CD6: variants seen among roughly 807,000 people sequenced by gnomAD.
CD6 encodes CD6 molecule.
In CD6, 53 loss-of-function variants were observed where a neutral mutation model predicts 75.3. That is an observed-to-expected ratio of 0.70 (90% CI 0.56 to 0.88). CD6 has a LOEUF of 0.88. Ranked by LOEUF, CD6 falls within the 40% of genes least tolerant of loss-of-function variation. CD6 has a pLI of 0.00. For missense variants in CD6, 770 were observed against 897.1 expected, an observed-to-expected ratio of 0.86 and a Z score of 1.81; for synonymous variants, 359 against 381.5, an observed-to-expected ratio of 0.94 and a Z score of 0.69.
chr11:61,019,112 T>C, intron 12 of CD6, 142 bp from the exon 13 acceptor site: 1 of 625,070 alleles, frequency 1.6e-6, no homozygotes, highest in Non-Finnish European at 2.9e-6. Flanking sequence ...GTCAGGGACA[T>C]GGCCGGAAGC....
chr11:60,996,775 G>A (rs548945866), intron 1 of CD6, among the ~76,000 whole-genome samples: 2 of 152,328 alleles, frequency 1.3e-5, no homozygotes, highest in Non-Finnish European at 2.9e-5. Flanking sequence ...AGATCACTGC[G>A]CTGCACTGGG....
At chr11:60,984,451 C>T (rs3019544) in intron 1 of CD6, among the ~76,000 whole-genome samples, 128,930 of 152,116 alleles carry the variant, frequency 0.85, 54,881 homozygotes, top group East Asian at 0.97. Flanking sequence ...TATTGGAGTC[C>T]GGGTCAGCAC....
chr11:60,993,645 G>A (rs80159460), intron 1 of CD6, among the ~76,000 whole-genome samples: 6,224 of 152,218 alleles, frequency 0.041, 170 homozygotes, highest in Middle Eastern at 0.099. Context: ...GCAGAGATGG[G>A]TTTAGATCAC....
At chr11:61,009,977 C>T in intron 5 of CD6, 103 bp downstream of exon 5, 1 of 1,150,240 alleles carries the variant, frequency 8.7e-7, no homozygotes, top group Admixed American at 2.6e-5. Context: ...ACCAGATCGG[C>T]AATGGCACAT....
chr11:60,985,185 T>C (rs949113809), intron 1 of CD6: 1 of 136,718 alleles, frequency 7.3e-6, no homozygotes, highest in East Asian at 2.1e-4. Flanking sequence ...TTTTTTTTTT[T>C]TTTTTTTTTT....
intron 1 of CD6, among the ~76,000 whole-genome samples, chr11:60,978,616 TC>T (rs771734117): frequency 1.1e-4 from 17 of 152,202 alleles, no homozygotes; most frequent in Non-Finnish European, 1.9e-4. Context: ...TTATGTATGT[TC>T]CTTGAGGCTT....
intron 1 of CD6, among the ~76,000 whole-genome samples, chr11:60,991,129 CTTTTCTTTTCTTTT>C (rs1411830659): frequency 1.4e-5 from 2 of 138,906 alleles, no homozygotes; most frequent in African/African-American, 5.2e-5. Flanking sequence ...TTCTTTCTTT[CTTTTCTTTTCTTTT>C]TCTTTCTTTT....
intron 1 of CD6, among the ~76,000 whole-genome samples, chr11:60,983,593 T>C (rs192060722): frequency 3.3e-5 from 5 of 152,128 alleles, no homozygotes; most frequent in Admixed American, 2.6e-4. Flanking sequence ...GGTTGTAATG[T>C]CCCTTTCTCC....
At chr11:60,990,262 T>C (rs1487457686) in intron 1 of CD6, among the ~76,000 whole-genome samples, 1 of 152,210 alleles carries the variant, frequency 6.6e-6, no homozygotes, top group African/African-American at 2.4e-5. Context: ...TCTCGCACTG[T>C]CACCCAGGCT....
intron 1 of CD6, among the ~76,000 whole-genome samples, chr11:60,989,564 C>T (rs1234339415): frequency 1.3e-5 from 2 of 152,242 alleles, no homozygotes; most frequent in Admixed American, 1.3e-4. Flanking sequence ...GGCCTCCAGG[C>T]TGGACCACGG....
intron 12 of CD6, chr11:61,018,686 C>T (rs77203539): frequency 2.0e-5 from 6 of 306,786 alleles, no homozygotes; most frequent in Non-Finnish European, 3.7e-5. Flanking sequence ...CCAAGGGTAG[C>T]ACGTGCCTAT....
intron 1 of CD6, among the ~76,000 whole-genome samples, chr11:60,981,984 T>C (rs1183232943): frequency 7.0e-6 from 1 of 143,726 alleles, no homozygotes. Flanking sequence ...GTCCGGCCAA[T>C]AAGTGTCCAG....
In CD6 at chr11:60,971,711, C is replaced by T. The variant is rs986561922; in HGVS notation, c.-155C>T. ...AGGTTGGGTTTGATCGCATGCGTGTCGGAGAGGAGAGAGCAGAGAGAGACA... is the reference window on the plus strand; with the variant it reads ...AGGTTGGGTTTGATCGCATGCGTGTTGGAGAGGAGAGAGCAGAGAGAGACA... On this transcript the variant is annotated 5_prime_UTR_variant, in exon 1 of 13. Transcript: ENST00000313421. 9 of 687,524 alleles carry T rather than the reference C, an allele frequency of 1.3e-5. No individual in the cohort carries two copies. The highest frequency in any genetic ancestry group is 3.6e-5 in the African/African-American group (2 of 56,070). The allele number at this position is 687,524 out of a possible 1,614,324, so 42.6% of individuals were successfully genotyped here.
rs567700137 is a variant in CD6, at chr11:61,013,926, C to T, written c.1299C>T (p.Pro433=). The stretch of plus-strand genomic sequence containing the variant: ...CTGCCTCCCCTCCCTCAGCCCTCCC[C>T]GTAATGGTGAACCACCAGCACCTAC... ...LLRIKGKYAL[P]VMVNHQHLPT... is the part of the protein sequence containing the mutation. The change falls in exon 8 of 13, where the codon CCC becomes CCT. Residue 433 remains proline (P), a synonymous_variant. Transcript: ENST00000313421. 78 of 1,610,666 alleles carry T rather than the reference C, an allele frequency of 4.8e-5. No homozygotes were observed. Among genetic ancestry groups the T allele is most frequent in the East Asian group, 1.8e-4 (8 of 44,700 alleles).
chr11:61,015,862 G>A (rs202208500), intron 9 of CD6, 27 bp downstream of exon 9: 8 of 1,612,554 alleles, frequency 5.0e-6, no homozygotes, highest in Non-Finnish European at 6.8e-6. Flanking sequence ...GCTCCCGAGG[G>A]CCCACCTACC....
intron 6 of CD6, among the ~76,000 whole-genome samples, chr11:61,012,087 C>G: frequency 6.6e-6 from 1 of 152,216 alleles, no homozygotes. Flanking sequence ...GTCATCTTCT[C>G]TCAGACACCC....
intron 1 of CD6, among the ~76,000 whole-genome samples, chr11:60,992,555 C>T (rs1858107102): frequency 6.6e-6 from 1 of 152,114 alleles, no homozygotes; most frequent in South Asian, 2.1e-4. Context: ...GGGCCGGGCG[C>T]TGTGGCTCAC....
chr11:61,020,267 C>T lies in CD6; in HGVS notation c.*949C>T, dbSNP rs1015482164. On this transcript the variant is annotated 3_prime_UTR_variant, in exon 13 of 13. Transcript: ENST00000313421. The stretch of plus-strand genomic sequence containing the variant: ...ATGCGTGACTATGTGGTGTTGCACC[C>T]GGGGCTGCAAACGTCTCCGTGCAGC... 6 of 398,822 alleles carry T rather than the reference C, an allele frequency of 1.5e-5. No homozygotes were observed. Among genetic ancestry groups the T allele is most frequent in the African/African-American group, 2.1e-5 (1 of 48,596 alleles). The allele number at this position is 398,822 out of a possible 1,614,324, so 24.7% of individuals were successfully genotyped here. A position where few individuals can be genotyped will look rare whatever the true frequency, so the allele number is the denominator to read the frequency against.
chr11:60,992,571 T>A (rs550872734), intron 1 of CD6, among the ~76,000 whole-genome samples: 1 of 152,234 alleles, frequency 6.6e-6, no homozygotes, highest in South Asian at 2.1e-4. Context: ...CTCACACCTG[T>A]AATCCCAGCA....
Sources: allele counts gnomAD v4.1 joint callset (sites outside exome capture counted in the v4.1 genomes callset), GRCh38; gene constraint gnomAD v4.1.1; transcripts MANE v1.5; gene names NCBI Gene and HGNC (gene_info 2026-07-23, HGNC 2026-07-21).